The following MYO18A variants were observed in gnomAD, a reference collection of about 807,000 sequenced individuals.
MYO18A encodes unconventional myosin-XVIIIa.
MYO18A carries 78 observed loss-of-function variants against 235.8 expected under a neutral mutation model. That is an observed-to-expected ratio of 0.33 (90% CI 0.28 to 0.40). The LOEUF (loss-of-function observed/expected upper bound fraction) is 0.40. Among genes scored for constraint, MYO18A ranks in the 10% least tolerant of loss-of-function variants. The pLI is 1.00. For missense variants in MYO18A, 2,215 were observed against 2,699.3 expected (o/e 0.82, Z 3.98); for synonymous variants, 977 against 1,077.8 (o/e 0.91, Z 1.83).
rs1472350105 is a variant in MYO18A, at chr17:29,115,804, T to A, written c.2087A>T (p.Gln696Leu). Reference protein sequence around the residue: ...RKQFARHEWAQKAAYLLGCSL... With the variant: ...RKQFARHEWALKAAYLLGCSL... Reference sequence around the variant, plus strand: ...GCAGCCCAGTAGGTACGCAGCCTTCTGGGCCCACTCATGGCGGGCAAACTG... The same window carrying A: ...GCAGCCCAGTAGGTACGCAGCCTTCAGGGCCCACTCATGGCGGGCAAACTG... Residue 696 changes from glutamine to leucine, a missense_variant, in exon 12 of 42, where the codon CAG (glutamine) becomes CTG (leucine). Gln to Leu is a moderately radical substitution (Grantham distance 113, BLOSUM62 -2). Transcript: ENST00000527372. The A allele has an allele frequency of 6.3e-7, 1 of 1,590,868 alleles. No individual in the cohort carries two copies. Among genetic ancestry groups the A allele is most frequent in the Non-Finnish European group, 8.6e-7 (1 of 1,168,532 alleles).
chr17:29,132,478 C>T (rs1411170133), intron 2 of MYO18A, among the ~76,000 whole-genome samples: 1 of 152,242 alleles, frequency 6.6e-6, no homozygotes, highest in African/African-American at 2.4e-5. Flanking sequence ...CTACCTCCTC[C>T]TCAGCGTGCC....
In MYO18A at chr17:29,116,613, G is replaced by GCACACACACACACACACACACACACA. The variant is rs144361514; in HGVS notation, c.2039-159_2039-158insTGTGTGTGTGTGTGTGTGTGTGTGTG. Among the ~76,000 whole-genome samples the GCACACACACACACACACACACACACA allele has an allele frequency of 5.2e-3, 760 of 144,904 alleles. 13 individuals are homozygous for GCACACACACACACACACACACACACA. The highest frequency in any genetic ancestry group is 0.019 in the African/African-American group (711 of 38,000). ...AACCACAGTCAGACTTGGGACAAAC[G>GCACACACACACACACACACACACACA]CACACACACACAGTCTCCAGGGAGT... On this transcript the variant is annotated intron_variant, in intron 10 of 41. Transcript: ENST00000527372.
chr17:29,144,926 T>C (rs931725218), intron 2 of MYO18A, among the ~76,000 whole-genome samples: 6 of 152,220 alleles, frequency 3.9e-5, no homozygotes, highest in Non-Finnish European at 7.3e-5. Flanking sequence ...ATTTTGAGTA[T>C]GCCATTTGGT....
intron 8 of MYO18A, 27 bp downstream of exon 8, chr17:29,119,308 C>A: frequency 6.4e-7 from 1 of 1,559,108 alleles, no homozygotes; most frequent in Non-Finnish European, 8.8e-7. Flanking sequence ...TTCAGAGAAC[C>A]CTTGTGTACC....
chr17:29,083,522 G>GCACACACACACACACACACACACACACA (rs1555622320), intron 40 of MYO18A, among the ~76,000 whole-genome samples: 4 of 125,014 alleles, frequency 3.2e-5, no homozygotes, highest in Admixed American at 8.1e-5. Flanking sequence ...AGGCATGTGT[G>GCACACACACACACACACACACACACACA]CGCGCGCGCG....
chr17:29,112,375 T>A (rs945911953), intron 15 of MYO18A, among the ~76,000 whole-genome samples: 2 of 152,188 alleles, frequency 1.3e-5, no homozygotes, highest in Admixed American at 1.3e-4. Flanking sequence ...GTGGGATCAC[T>A]GCAGGGTCAC....
In MYO18A at chr17:29,121,971, A is replaced by T. The variant is rs1331719196; in HGVS notation, c.1088-14T>A. On this transcript the variant is annotated splice_polypyrimidine_tract_variant and intron_variant, in intron 3 of 41. Coordinates refer to ENST00000527372, the MANE Select transcript of MYO18A (RefSeq NM_078471.4). This position sits in a 1 kb window ranked among gnomAD's most constrained non-coding sequence, Gnocchi z 4.2. ...TGAGTTGACTGGCTGCAGGGGAGGG[A>T]CAGACAGCTGGGATGGGCCTGGGAA... 3.1e-6 allele frequency: 5 copies of T among 1,612,650 alleles called. No individual in the cohort carries two copies. The highest frequency in any genetic ancestry group is 1.3e-5 in the African/African-American group (1 of 74,836).
At chr17:29,089,401 CAG>C (rs1259615928) in intron 37 of MYO18A, among the ~76,000 whole-genome samples, 1 of 101,730 alleles carries the variant, frequency 9.8e-6, no homozygotes, top group Non-Finnish European at 1.7e-5. Context: ...AGCCTGGCGA[CAG>C]AGTGAGACTC....
At chr17:29,157,277 C>G (rs1598387860) in intron 2 of MYO18A, among the ~76,000 whole-genome samples, 1 of 152,224 alleles carries the variant, frequency 6.6e-6, no homozygotes, top group African/African-American at 2.4e-5. Flanking sequence ...GCCACTTGGG[C>G]TCACTTCCTC....
chr17:29,119,479 A>C, intron 7 of MYO18A, 44 bp from the exon 8 acceptor site: 1 of 1,483,196 alleles, frequency 6.7e-7, no homozygotes. Context: ...GTAGTGCCAG[A>C]TCAAGTTTCT....
chr17:29,075,838 C>T (rs1317190876), intron 41 of MYO18A: 3 of 152,926 alleles, frequency 2.0e-5, no homozygotes, highest in African/African-American at 7.2e-5. Context: ...AAACACAGCC[C>T]AGTGTGGCTC....
At chr17:29,141,382 G>A (rs923040072) in intron 2 of MYO18A, among the ~76,000 whole-genome samples, 2 of 150,198 alleles carry the variant, frequency 1.3e-5, no homozygotes, top group African/African-American at 4.9e-5. Flanking sequence ...AGTCTCAGAA[G>A]CCGTCAGCTC....
rs1261613444 is a variant in MYO18A at position 29,120,801 on chromosome 17, C to A, written c.1586-43G>T. 1.9e-6 allele frequency: 3 copies of A among 1,594,924 alleles called. No individual in the cohort carries two copies. Among genetic ancestry groups the A allele is most frequent in the Non-Finnish European group, 2.6e-6 (3 of 1,168,976 alleles). On this transcript the variant is annotated intron_variant, in intron 6 of 41. Coordinates refer to ENST00000527372, the MANE Select transcript of MYO18A (RefSeq NM_078471.4). This position sits in a 1 kb window ranked among gnomAD's most constrained non-coding sequence, Gnocchi z 4.2. ...AAGGGGATATCAGGAAAGCCAGGGG[C>A]AGCTTATCCCCCAGCTAGGAGCTAC... is the stretch of plus-strand genomic sequence containing the variant.
intron 8 of MYO18A, 147 bp downstream of exon 8, chr17:29,119,188 C>G: frequency 1.7e-6 from 1 of 598,004 alleles, no homozygotes; most frequent in Admixed American, 3.3e-5. Flanking sequence ...GGGCCTAGCT[C>G]AGAGCCTAGC....
chr17:29,153,916 G>A (rs748548362), intron 2 of MYO18A, among the ~76,000 whole-genome samples: 1 of 152,240 alleles, frequency 6.6e-6, no homozygotes, highest in Admixed American at 6.5e-5. Context: ...AGGAAGACAA[G>A]GGGGCTGGGG....
In MYO18A at chr17:29,092,408, C is replaced by T; in HGVS notation, c.5122G>A (p.Ala1708Thr). The T allele has an allele frequency of 1.2e-6, 2 of 1,612,666 alleles. No individual in the cohort carries two copies. The highest frequency in any genetic ancestry group is 1.7e-5 in the Admixed American group (1 of 60,006). ...AGGTCTTCGATCTCCACCTCCATTG[C>T]TTTCCGTGCTTTCACGGCTGCCGCA... ...TCAAAVKARK[A>T]MEVEIEDLHL... is the part of the protein sequence containing the mutation. The change falls in exon 34 of 42, where the codon GCA becomes ACA. Residue 1708 changes from alanine to threonine, a missense_variant. Transcript: ENST00000527372.
chr17:29,149,084 C>T (rs953670573), intron 2 of MYO18A, among the ~76,000 whole-genome samples: 2 of 152,200 alleles, frequency 1.3e-5, no homozygotes, highest in African/African-American at 4.8e-5. Context: ...GGGCCGCTTT[C>T]ACCTCCGCCA....
At chr17:29,099,897 A>G in intron 21 of MYO18A, 135 bp from the exon 22 acceptor site, 1 of 1,227,400 alleles carries the variant, frequency 8.1e-7, no homozygotes, top group Non-Finnish European at 1.1e-6. Context: ...TCAAAATCCA[A>G]TTGTCCAAGA....
In MYO18A at chr17:29,098,190, C is replaced by T. The variant is rs756497065; in HGVS notation, c.3905G>A (p.Arg1302His). Residue 1302 changes from arginine to histidine, a missense_variant, in exon 25 of 42, where the codon CGT (arginine) becomes CAT (histidine). By Grantham distance (29) the Arg-to-His change is conservative. Transcript: ENST00000527372. ...SELTSELTDERNTGESASQLL... is the reference protein window; with the variant it reads ...SELTSELTDEHNTGESASQLL... ...CTGGGAGGCGGACTCTCCTGTGTTA[C>T]GCTCATCTGTCAGCTCCGATGTCAG... The T allele has an allele frequency of 2.0e-5, 32 of 1,613,890 alleles. No individual in the cohort carries two copies. The highest frequency in any genetic ancestry group is 1.8e-4 in the East Asian group (8 of 44,898).
Sources: gnomAD v4.1 joint callset for allele counts (sites outside exome capture counted in the v4.1 genomes callset) on GRCh38, gnomAD v4.1.1 for gene constraint, Gnocchi (gnomAD v3.1) non-coding constraint, MANE v1.5 for transcripts, NCBI Gene and HGNC (gene_info 2026-07-23, HGNC 2026-07-21) for gene names.